The following IGF1R variants were observed in gnomAD, a reference collection of about 807,000 sequenced individuals.
The protein encoded by IGF1R is insulin like growth factor 1 receptor, also known as insulin-like growth factor 1 receptor.
A neutral mutation model predicts 144.6 loss-of-function variants in IGF1R; 44 were observed. That is an observed-to-expected ratio of 0.30 (90% CI 0.24 to 0.39). The LOEUF (loss-of-function observed/expected upper bound fraction) is 0.39, where lower values mean the gene tolerates loss of function less well. Ranked by LOEUF, IGF1R falls within the 10% of genes least tolerant of loss-of-function variation. The probability of loss-of-function intolerance (pLI) is 1.00; values close to 1 mark genes in which losing one functional copy is unlikely to be tolerated. For synonymous variants in IGF1R, 795 were observed against 722.8 expected (o/e 1.10, Z -1.60); for missense variants, 1,355 against 1,833.7 (o/e 0.74, Z 4.77).
At chr15:98,875,132 A>G (rs1454551237) in intron 2 of IGF1R, among the ~76,000 whole-genome samples, 1 of 152,064 alleles carries the variant, frequency 6.6e-6, no homozygotes, top group African/African-American at 2.4e-5. Flanking sequence ...CTCCGGGACG[A>G]GGATGCTCCG....
chr15:98,802,555 T>C (rs2056384995), intron 2 of IGF1R, among the ~76,000 whole-genome samples: 1 of 152,232 alleles, frequency 6.6e-6, no homozygotes, highest in Admixed American at 6.5e-5. Context: ...ACAAAGTGTG[T>C]ACAGGATTTG....
At chr15:98,716,537 C>T (rs943434501) in intron 2 of IGF1R, among the ~76,000 whole-genome samples, 12 of 152,206 alleles carry the variant, frequency 7.9e-5, no homozygotes, top group Non-Finnish European at 1.6e-4. Context: ...CACTGGCTAA[C>T]ATATGGCTTT....
intron 2 of IGF1R, among the ~76,000 whole-genome samples, chr15:98,786,413 C>G (rs944951665): frequency 3.3e-5 from 5 of 151,752 alleles, no homozygotes; most frequent in African/African-American, 1.2e-4. Flanking sequence ...GAAAACACCT[C>G]TAGATTTTTC....
chr15:98,878,789 G>A lies in IGF1R; in HGVS notation c.641-12536G>A, dbSNP rs540178759. On this transcript the variant is annotated intron_variant, in intron 2 of 20. Coordinates refer to ENST00000650285, the MANE Select transcript of IGF1R (RefSeq NM_000875.5). ...AGGTGGATCACAAGGTCAGGAGAGCGAGACCATCCTGGCTAACACGGTGAA... is the reference window on the plus strand; with the variant it reads ...AGGTGGATCACAAGGTCAGGAGAGCAAGACCATCCTGGCTAACACGGTGAA... 6.6e-5 allele frequency among the ~76,000 whole-genome samples: 10 copies of A among 151,500 alleles called. No individual in the cohort carries two copies. In the South Asian group the frequency reaches 1.0e-3, roughly 16 times the overall value.
In IGF1R at chr15:98,767,883, C is replaced by T. The variant is rs150433178; in HGVS notation, c.640+59776C>T. Among the ~76,000 whole-genome samples the T allele has an allele frequency of 1.9e-3, 296 of 152,178 alleles. 1 individual carries two copies. The Middle Eastern group carries it at 0.02, about 10-fold the overall frequency. On this transcript the variant is annotated intron_variant, in intron 2 of 20. Coordinates refer to ENST00000650285, the MANE Select transcript of IGF1R (RefSeq NM_000875.5). ...AAGCATCTTACCTCCCAAGTCAGAT[C>T]CCTGGCATTGTTTGAATACTTGCGT...
In IGF1R at chr15:98,821,948, C is replaced by A. The variant is rs181128535; in HGVS notation, c.641-69377C>A. On this transcript the variant is annotated intron_variant, in intron 2 of 20. Transcript: ENST00000650285. ...CCAACTCATTTCCCTTTCCCTTCCA[C>A]AGGTACTTATACCATAAAAGGTATA... Among the ~76,000 whole-genome samples the A allele has an allele frequency of 9.8e-5, 15 of 152,330 alleles. No individual in the cohort carries two copies. The East Asian group carries it at 2.9e-3, about 29-fold the overall frequency.
intron 2 of IGF1R, among the ~76,000 whole-genome samples, chr15:98,752,181 A>G (rs998855780): frequency 4.6e-5 from 7 of 151,998 alleles, no homozygotes; most frequent in Non-Finnish European, 1.0e-4. Context: ...ATATTAGCCA[A>G]TGACAAGCAG....
intron 2 of IGF1R, among the ~76,000 whole-genome samples, chr15:98,765,937 ACG>A (rs1471618192): frequency 6.6e-6 from 1 of 152,160 alleles, no homozygotes; most frequent in African/African-American, 2.4e-5. Context: ...TGCTGATGCC[ACG>A]CAAGGGAGAG....
At chr15:98,691,611 C>T (rs2053478727) in intron 1 of IGF1R, among the ~76,000 whole-genome samples, 1 of 152,096 alleles carries the variant, frequency 6.6e-6, no homozygotes, top group African/African-American at 2.4e-5. Context: ...TGATTGCCCA[C>T]CTCGGCCTCC....
rs149730566 is a variant in IGF1R at position 98,743,192 on chromosome 15, G to A, written c.640+35085G>A. Reference sequence around the variant, plus strand: ...GATTTAAACATACGGGAAGTAAGACGGAAATTCATTACTTTTAAAAAACAA... The same window carrying A: ...GATTTAAACATACGGGAAGTAAGACAGAAATTCATTACTTTTAAAAAACAA... On this transcript the variant is annotated intron_variant, in intron 2 of 20. Coordinates refer to ENST00000650285, the MANE Select transcript of IGF1R (RefSeq NM_000875.5). Among the ~76,000 whole-genome samples the A allele has an allele frequency of 4.9e-3, 753 of 152,194 alleles. 2 individuals carry two copies. Among genetic ancestry groups the A allele is most frequent in the Middle Eastern group, 0.02 (6 of 294 alleles).
chr15:98,860,553 T>A (rs576312087), intron 2 of IGF1R, among the ~76,000 whole-genome samples: 7 of 152,236 alleles, frequency 4.6e-5, no homozygotes, highest in Non-Finnish European at 8.8e-5. Context: ...CTTCTTTGCT[T>A]CTTACTCCAG....
chr15:98,879,451 T>C (rs2013256655), intron 2 of IGF1R, among the ~76,000 whole-genome samples: 1 of 152,194 alleles, frequency 6.6e-6, no homozygotes, highest in Non-Finnish European at 1.5e-5. Flanking sequence ...TGAGGCACCT[T>C]CCACTGTTTT....
At chr15:98,947,481 C>T (rs551820601) in intron 19 of IGF1R, among the ~76,000 whole-genome samples, 19 of 151,810 alleles carry the variant, frequency 1.3e-4, no homozygotes, top group Admixed American at 9.9e-4. Flanking sequence ...CCACCCTGCT[C>T]CCGCCCCTAC....
chr15:98,684,610 A>G (rs1013156796), intron 1 of IGF1R, among the ~76,000 whole-genome samples: 8 of 152,218 alleles, frequency 5.3e-5, no homozygotes, highest in African/African-American at 1.9e-4. Flanking sequence ...TTATACAAAC[A>G]TAACTAAAGC....
intron 5 of IGF1R, among the ~76,000 whole-genome samples, chr15:98,906,790 G>C (rs2014752888): frequency 6.6e-6 from 1 of 152,234 alleles, no homozygotes; most frequent in African/African-American, 2.4e-5. Context: ...TACCGGTTTG[G>C]TGGTCACTAA....
chr15:98,680,172 G>A (rs2053154366), intron 1 of IGF1R, among the ~76,000 whole-genome samples: 1 of 152,076 alleles, frequency 6.6e-6, no homozygotes, highest in South Asian at 2.1e-4. Flanking sequence ...AATGTCCTCA[G>A]CCTTCACATT....
chr15:98,664,163 C>G (rs11247361), intron 1 of IGF1R, among the ~76,000 whole-genome samples: 44,321 of 152,094 alleles, frequency 0.29, 6,998 homozygotes, highest in East Asian at 0.37. Flanking sequence ...CAATCACGTT[C>G]ACCTGTTGGA....
At chr15:98,724,302 G>A (rs912545495) in intron 2 of IGF1R, among the ~76,000 whole-genome samples, 8 of 152,194 alleles carry the variant, frequency 5.3e-5, no homozygotes, top group African/African-American at 1.9e-4. Flanking sequence ...TAAAGTTTAG[G>A]TGTGGGTCCC....
At chr15:98,744,184 C>T (rs898878040) in intron 2 of IGF1R, among the ~76,000 whole-genome samples, 2 of 151,808 alleles carry the variant, frequency 1.3e-5, no homozygotes, top group Non-Finnish European at 2.9e-5. Flanking sequence ...GGGACGTCAG[C>T]GTTCAAGGGC....
Sources: allele counts gnomAD v4.1 joint callset (sites outside exome capture counted in the v4.1 genomes callset), GRCh38; gene constraint gnomAD v4.1.1; transcripts MANE v1.5; gene names NCBI Gene and HGNC (gene_info 2026-07-23, HGNC 2026-07-21).